Variants in PNISR observed in about 807,000 individuals in gnomAD.
The protein encoded by PNISR is PNN interacting serine and arginine rich protein, also known as arginine/serine-rich protein PNISR.
Under a neutral mutation model 93.4 loss-of-function variants are expected in PNISR, and 20 were observed. The ratio of observed to expected loss-of-function variants is 0.21; its 90% CI spans 0.15 to 0.31. The LOEUF (loss-of-function observed/expected upper bound fraction) is 0.31, where lower values mean the gene tolerates loss of function less well. PNISR is among the 10% of genes least tolerant of loss of function. The probability of loss-of-function intolerance (pLI) is 1.00; values close to 1 mark genes in which losing one functional copy is unlikely to be tolerated. For missense variants in PNISR, 893 were observed against 985.4 expected (o/e 0.91, Z 1.25); for synonymous variants, 305 against 306.5 (o/e 0.99, Z 0.05).
intron 3 of PNISR, among the ~76,000 whole-genome samples, chr6:99,413,579 G>A (rs987699897): frequency 6.6e-6 from 1 of 152,012 alleles, no homozygotes; most frequent in African/African-American, 2.4e-5. Flanking sequence ...GCCCACCTCA[G>A]CTTCCCAAAG....
Position 99,409,261 on chromosome 6 carries a change from G to A in PNISR, c.585C>T (p.Pro195=), listed in dbSNP as rs561087088. ...QPGPPGPPAP[P]QNRRERPSSF... is the part of the protein sequence containing the mutation. ...ATGATGGCCTTTCTCTTCGATTCTG[G>A]GGAGGTGCTGGAGGTCCTGGAGGTC... The change falls in exon 6 of 12, where the codon CCC becomes CCT. Residue 195 remains proline, a synonymous_variant. Coordinates refer to ENST00000369239, the MANE Select transcript of PNISR (RefSeq NM_032870.4). 18 of 1,613,976 alleles carry A rather than the reference G, an allele frequency of 1.1e-5. No individual in the cohort carries two copies. The South Asian group carries it at 2.0e-4, about 18-fold the overall frequency.
chr6:99,420,076 G>A (rs1778342134), intron 1 of PNISR, among the ~76,000 whole-genome samples: 1 of 152,048 alleles, frequency 6.6e-6, no homozygotes, highest in Admixed American at 6.6e-5. Context: ...GTGGAGACAG[G>A]GTTTCACCCT....
At chr6:99,418,155 T>G (rs1326208705) in intron 1 of PNISR, among the ~76,000 whole-genome samples, 1 of 151,858 alleles carries the variant, frequency 6.6e-6, no homozygotes, top group African/African-American at 2.4e-5. Flanking sequence ...ATATTTTTTT[T>G]GAGAGGCAGT....
chr6:99,420,433 C>T (rs1179170676), intron 1 of PNISR, among the ~76,000 whole-genome samples: 3 of 152,274 alleles, frequency 2.0e-5, no homozygotes, highest in Non-Finnish European at 2.9e-5. Flanking sequence ...CAGCACATAG[C>T]ACAATGCTTG....
chr6:99,403,560 A>ATG (rs1445012485), intron 10 of PNISR: 2 of 213,614 alleles, frequency 9.4e-6, no homozygotes, highest in Admixed American at 5.3e-5. Flanking sequence ...ATATATATAT[A>ATG]AAATGCATAT....
chr6:99,411,511 C>T (rs550706477), intron 4 of PNISR, among the ~76,000 whole-genome samples: 1 of 152,170 alleles, frequency 6.6e-6, no homozygotes, highest in Non-Finnish European at 1.5e-5. Context: ...AAAACATTTT[C>T]AAATGTGGGG....
At chr6:99,424,842 G>A in intron 1 of PNISR, 2 of 179,032 alleles carry the variant, frequency 1.1e-5, no homozygotes, top group Non-Finnish European at 2.3e-5. Context: ...AAGGGTATAA[G>A]CTCCAGGTCG....
In PNISR at chr6:99,401,307, A is replaced by G. The variant is rs1284419875; in HGVS notation, c.1651T>C (p.Ser551Pro). The G allele has an allele frequency of 9.3e-6, 15 of 1,613,552 alleles. No individual in the cohort carries two copies. The highest frequency in any genetic ancestry group is 1.3e-5 in the Non-Finnish European group (15 of 1,179,800). ...CTGTGTCTCTTTTTCCTTTTAGGAG[A>G]AGAAGACCGAGAAGAAGTACGACTA... ...GSSRTSSRSS[S>P]PKRKKRHSRS... Residue 551 changes from serine to proline, a missense_variant, in exon 12 of 12, where the codon TCT (serine) becomes CCT (proline). By Grantham distance (74) the Ser-to-Pro change is moderately conservative (BLOSUM62 -1). Around this residue, in one of 3 missense-constraint regions of PNISR, gnomAD observed 866 missense variants for 935.1 expected, o/e 0.93. Transcript: ENST00000369239.
In PNISR at chr6:99,399,775, C is replaced by T. The variant is rs943151064; in HGVS notation, c.*765G>A. 1 of 152,136 alleles carries T rather than the reference C, an allele frequency of 6.6e-6. No homozygotes were observed. Among genetic ancestry groups the T allele is most frequent in the African/African-American group, 2.4e-5 (1 of 41,444 alleles). 9.4% of individuals were successfully genotyped at this position (152,136 alleles called of 1,614,324 possible). On this transcript the variant is annotated 3_prime_UTR_variant, in exon 12 of 12. Transcript: ENST00000369239. ...GGTCTATTTCTAGCCCTCTTTCATA[C>T]CCTTAAAGTTGGAATCTGGCAAAAG...
chr6:99,420,239 G>A (rs1778369000), intron 1 of PNISR, among the ~76,000 whole-genome samples: 1 of 152,162 alleles, frequency 6.6e-6, no homozygotes, highest in East Asian at 1.9e-4. Context: ...CATGCATTGG[G>A]CAAATGTTCT....
intron 1 of PNISR, among the ~76,000 whole-genome samples, chr6:99,417,448 T>C (rs55798093): frequency 0.032 from 4,914 of 152,290 alleles, 142 homozygotes; most frequent in Non-Finnish European, 0.046. Context: ...TCGTTAGTGG[T>C]GTGAACATAA....
chr6:99,403,584 G>C, intron 10 of PNISR: 1 of 292,178 alleles, frequency 3.4e-6, no homozygotes, highest in Non-Finnish European at 6.3e-6. Context: ...GGAGCAATAA[G>C]GAAATCTTCC....
chr6:99,418,177 G>A (rs766736876), intron 1 of PNISR, among the ~76,000 whole-genome samples: 76 of 151,120 alleles, frequency 5.0e-4, no homozygotes, highest in Non-Finnish European at 9.4e-4. Context: ...TCGCTCTGTC[G>A]CCCAGGCTGG....
At chr6:99,424,078 C>A (rs967990958) in intron 1 of PNISR, among the ~76,000 whole-genome samples, 11 of 152,112 alleles carry the variant, frequency 7.2e-5, no homozygotes, top group African/African-American at 2.7e-4. Context: ...TTTAGAGGGG[C>A]ACAAGTCAGC....
At chr6:99,414,491 T>C in intron 3 of PNISR, 81 bp downstream of exon 3, 1 of 659,482 alleles carries the variant, frequency 1.5e-6, no homozygotes, top group Non-Finnish European at 2.7e-6. Flanking sequence ...CTCAATTCCA[T>C]ATCCCTTAAT....
chr6:99,401,387 G>C lies in PNISR; in HGVS notation c.1571C>G (p.Thr524Ser), dbSNP rs746568004. Residue 524 changes from threonine (T) to serine (S), a missense_variant, in exon 12 of 12, where the codon ACT (threonine) becomes AGT (serine). Thr to Ser is a moderately conservative substitution (Grantham distance 58). Transcript: ENST00000369239. Reference sequence around the variant, plus strand: ...AGAGACAGTACTACTAGTACTACTAGTTCTGCTATTGCTACTGGAACTACC... The same window carrying C: ...AGAGACAGTACTACTAGTACTACTACTTCTGCTATTGCTACTGGAACTACC... ...SSGSSSSNSRTSSTSSTVSSS... is the reference protein window; with the variant it reads ...SSGSSSSNSRSSSTSSTVSSS... 3.7e-5 allele frequency: 60 copies of C among 1,606,712 alleles called. No homozygotes were observed. The East Asian group carries it at 1.0e-3, about 28-fold the overall frequency.
At chr6:99,403,203 C>A (rs1582767674) in intron 10 of PNISR, 1 of 152,138 alleles carries the variant, frequency 6.6e-6, no homozygotes, top group African/African-American at 2.4e-5. Flanking sequence ...ATAACCATAA[C>A]AAAACCACAT....
intron 1 of PNISR, among the ~76,000 whole-genome samples, chr6:99,423,723 T>A (rs1778971884): frequency 6.6e-6 from 1 of 152,140 alleles, no homozygotes; most frequent in South Asian, 2.1e-4. Flanking sequence ...CCTCAAAAAA[T>A]GTCAAGGTCA....
chr6:99,407,317 TCCC>T (rs1251967515), intron 7 of PNISR, among the ~76,000 whole-genome samples: 1 of 123,100 alleles, frequency 8.1e-6, no homozygotes, highest in Non-Finnish European at 1.6e-5. Flanking sequence ...GAGACCCTGA[TCCC>T]CCAACTGCCT....
Sources: allele counts gnomAD v4.1 joint callset (sites outside exome capture counted in the v4.1 genomes callset), GRCh38; gene constraint gnomAD v4.1.1; regional missense constraint gnomAD v4.1.1; transcripts MANE v1.5; gene names NCBI Gene and HGNC (gene_info 2026-07-23, HGNC 2026-07-21).